The following EDIL3 variants were observed in gnomAD, a reference collection of about 807,000 sequenced individuals.
EDIL3 encodes the protein EGF-like repeat and discoidin I-like domain-containing protein 3.
Under a neutral mutation model 67.4 loss-of-function variants are expected in EDIL3, and 37 were observed. The observed-to-expected ratio is 0.55, with a 90% confidence interval of 0.42 to 0.72. The LOEUF (loss-of-function observed/expected upper bound fraction) is 0.72. Among genes scored for constraint, EDIL3 ranks in the 30% least tolerant of loss-of-function variants. The probability of loss-of-function intolerance (pLI) is 0.00; values close to 1 mark genes in which losing one functional copy is unlikely to be tolerated. For synonymous variants in EDIL3, 195 were observed against 196.3 expected, an observed-to-expected ratio of 0.99 and a Z score of 0.05; for missense variants, 527 against 586.3, an observed-to-expected ratio of 0.90 and a Z score of 1.04.
At chr5:83,975,432 A>T (rs1011952606) in intron 9 of EDIL3, among the ~76,000 whole-genome samples, 2 of 151,930 alleles carry the variant, frequency 1.3e-5, no homozygotes, top group African/African-American at 4.8e-5. Context: ...ATTATATTAA[A>T]CTTATTTTTT....
rs567377729 is a variant in EDIL3 at position 84,065,077 on chromosome 5, T to G, written c.808-233A>C. 8.5e-5 allele frequency among the ~76,000 whole-genome samples: 13 copies of G among 152,238 alleles called. No individual in the cohort carries two copies. In the South Asian group the frequency reaches 2.3e-3, roughly 27 times the overall value. The stretch of plus-strand genomic sequence containing the variant: ...GCTCATGACATGATCTATATTCCAC[T>G]GTGATGGTCTTGTCAATTTTAAGGC... On this transcript the variant is annotated intron_variant, in intron 7 of 10. Transcript: ENST00000296591.
At chr5:84,055,953 T>G (rs1326413626) in intron 9 of EDIL3, among the ~76,000 whole-genome samples, 1 of 152,152 alleles carries the variant, frequency 6.6e-6, no homozygotes, top group Non-Finnish European at 1.5e-5. Context: ...AGCCATCCCA[T>G]TACTGGATAT....
chr5:84,116,071 T>C (rs1747657449), intron 5 of EDIL3, among the ~76,000 whole-genome samples: 1 of 152,040 alleles, frequency 6.6e-6, no homozygotes, highest in African/African-American at 2.4e-5. Flanking sequence ...AGATAAATCA[T>C]AGTACCAAAC....
At chr5:84,356,004 AT>A (rs142245667) in intron 1 of EDIL3, among the ~76,000 whole-genome samples, 18,276 of 152,144 alleles carry the variant, frequency 0.12, 1,122 homozygotes, top group South Asian at 0.22. Context: ...ATGGATCTCT[AT>A]TTTAAAAAAC....
chr5:84,204,705 C>T (rs373867123), intron 3 of EDIL3, among the ~76,000 whole-genome samples: 3 of 149,988 alleles, frequency 2.0e-5, no homozygotes, highest in Non-Finnish European at 2.9e-5. Flanking sequence ...TTCTGCTCCA[C>T]GTTGAAGTAA....
At chr5:84,104,753 C>T in intron 6 of EDIL3, among the ~76,000 whole-genome samples, 1 of 151,910 alleles carries the variant, frequency 6.6e-6, no homozygotes, top group East Asian at 1.9e-4. Context: ...TGCCTACAGC[C>T]ACTGGGATAA....
At chr5:84,364,342 A>G (rs1747684415) in intron 1 of EDIL3, among the ~76,000 whole-genome samples, 1 of 152,224 alleles carries the variant, frequency 6.6e-6, no homozygotes, top group African/African-American at 2.4e-5. Context: ...AGTACTTGTT[A>G]GAGCCAGAAT....
intron 1 of EDIL3, among the ~76,000 whole-genome samples, chr5:84,296,972 G>C (rs910356167): frequency 6.6e-6 from 1 of 152,184 alleles, no homozygotes; most frequent in Admixed American, 6.5e-5. Flanking sequence ...CACGAGGTCA[G>C]GAGATCGAGA....
chr5:84,320,484 C>T (rs1214360865), intron 1 of EDIL3, among the ~76,000 whole-genome samples: 1 of 151,900 alleles, frequency 6.6e-6, no homozygotes, highest in East Asian at 1.9e-4. Flanking sequence ...CCAGCTCCAG[C>T]CCATCCAAGG....
At chr5:84,318,517 T>A (rs888555001) in intron 1 of EDIL3, among the ~76,000 whole-genome samples, 1 of 152,104 alleles carries the variant, frequency 6.6e-6, no homozygotes, top group Non-Finnish European at 1.5e-5. Flanking sequence ...TCTACAACCA[T>A]CTGATCTTTG....
intron 10 of EDIL3, among the ~76,000 whole-genome samples, chr5:83,950,232 T>C (rs1488064809): frequency 6.6e-6 from 1 of 151,870 alleles, no homozygotes; most frequent in Non-Finnish European, 1.5e-5. Flanking sequence ...GATAACTGTA[T>C]GATAATTTTA....
chr5:84,273,931 C>T (rs1305141457), intron 1 of EDIL3, among the ~76,000 whole-genome samples: 1 of 152,104 alleles, frequency 6.6e-6, no homozygotes, highest in African/African-American at 2.4e-5. Flanking sequence ...TAATATTCTT[C>T]CCAGTGTGTA....
At chr5:84,360,219 T>C (rs752294321) in intron 1 of EDIL3, among the ~76,000 whole-genome samples, 48 of 152,164 alleles carry the variant, frequency 3.2e-4, no homozygotes, top group Non-Finnish European at 5.4e-4. Context: ...AATAGAAGGG[T>C]AGGAGAAGGT....
At chr5:84,072,586 C>T (rs1192100097) in intron 6 of EDIL3, among the ~76,000 whole-genome samples, 1 of 152,134 alleles carries the variant, frequency 6.6e-6, no homozygotes. Flanking sequence ...ATGACAAACA[C>T]ACATCCTCTT....
intron 5 of EDIL3, among the ~76,000 whole-genome samples, chr5:84,125,769 A>C (rs1211197474): frequency 6.6e-6 from 1 of 152,014 alleles, no homozygotes; most frequent in Non-Finnish European, 1.5e-5. Context: ...CATTATTCTA[A>C]AGTGATGGTG....
chr5:83,970,643 G>GTATATATATATATATA (rs70975530), intron 9 of EDIL3, among the ~76,000 whole-genome samples: 45 of 116,106 alleles, frequency 3.9e-4, no homozygotes, highest in African/African-American at 1.4e-3. Flanking sequence ...TAGGATCACA[G>GTATATATATATATATA]TATATATATA....
At chr5:84,009,603 C>A (rs1043741525) in intron 9 of EDIL3, among the ~76,000 whole-genome samples, 12 of 152,054 alleles carry the variant, frequency 7.9e-5, no homozygotes, top group Admixed American at 2.0e-4. Context: ...ATTTAATGAG[C>A]TAACATTTGA....
At chr5:84,205,666 T>A (rs915386629) in intron 3 of EDIL3, among the ~76,000 whole-genome samples, 1 of 152,120 alleles carries the variant, frequency 6.6e-6, no homozygotes, top group Non-Finnish European at 1.5e-5. Context: ...AAGGAATTTA[T>A]CCATTTCTTC....
chr5:84,064,552 C>G, intron 8 of EDIL3, 148 bp downstream of exon 8: 1 of 940,578 alleles, frequency 1.1e-6, no homozygotes, highest in Non-Finnish European at 1.5e-6. Context: ...TAAACACACA[C>G]TGGTTTTCCC....
Sources: allele counts gnomAD v4.1 joint callset (sites outside exome capture counted in the v4.1 genomes callset), GRCh38; gene constraint gnomAD v4.1.1; transcripts MANE v1.5; gene names NCBI Gene and HGNC (gene_info 2026-07-23, HGNC 2026-07-21).